The following PRELID2 variants were observed in gnomAD, a reference collection of about 807,000 sequenced individuals.
PRELID2 encodes PRELI domain containing 2.
A neutral mutation model predicts 28.4 loss-of-function variants in PRELID2; 25 were observed. That is an observed-to-expected ratio of 0.88 (90% CI 0.64 to 1.23). The LOEUF (loss-of-function observed/expected upper bound fraction) is 1.23. Among genes scored for constraint, PRELID2 ranks in the 50% most tolerant of loss-of-function variants. The pLI, the probability that PRELID2 is intolerant of heterozygous loss-of-function variation, is 0.00. For missense variants in PRELID2, 201 were observed against 214.4 expected, an observed-to-expected ratio of 0.94 and a Z score of 0.39; for synonymous variants, 76 against 71.6, an observed-to-expected ratio of 1.06 and a Z score of -0.31.
chr5:145,295,490 C>A, the PRELID2 span, among the ~76,000 whole-genome samples: 1 of 152,066 alleles, frequency 6.6e-6, no homozygotes, highest in South Asian at 2.1e-4. Flanking sequence ...AAACAAAAAA[C>A]TAAAAGAAAT....
At chr5:145,733,267 GA>G (rs1318504355) in intron 1 of PRELID2, among the ~76,000 whole-genome samples, 5 of 151,230 alleles carry the variant, frequency 3.3e-5, no homozygotes, top group Non-Finnish European at 7.4e-5. Flanking sequence ...GTCTCAAAAA[GA>G]AAAAAAATCT....
chr5:145,829,047 T>TTTG (rs759958990), intron 1 of PRELID2, among the ~76,000 whole-genome samples: 7 of 151,520 alleles, frequency 4.6e-5, no homozygotes, highest in African/African-American at 7.3e-5. Context: ...GGTTTGGGGT[T>TTTG]TTGTTGTTGT....
At chr5:145,463,890 T>C in the PRELID2 span, among the ~76,000 whole-genome samples, 31 of 152,152 alleles carry the variant, frequency 2.0e-4, no homozygotes, top group African/African-American at 7.0e-4. Context: ...AGATAAAAGT[T>C]ACCAAAGCTT....
At chr5:145,290,494 G>C in the PRELID2 span, among the ~76,000 whole-genome samples, 2 of 151,280 alleles carry the variant, frequency 1.3e-5, no homozygotes, top group Non-Finnish European at 2.9e-5. Context: ...GCAAACTATC[G>C]CAAGGACAGA....
chr5:145,522,536 C>G (rs1035958990), intron 1 of PRELID2, among the ~76,000 whole-genome samples: 4 of 152,116 alleles, frequency 2.6e-5, no homozygotes, highest in Admixed American at 1.3e-4. Context: ...TATGAATATA[C>G]TTTCTTTTTC....
At chr5:145,593,383 T>C (rs1244790780) in intron 1 of PRELID2, among the ~76,000 whole-genome samples, 2 of 152,170 alleles carry the variant, frequency 1.3e-5, no homozygotes, top group Non-Finnish European at 2.9e-5. Flanking sequence ...GATCAAGGAA[T>C]CTATGAAAGG....
the PRELID2 span, among the ~76,000 whole-genome samples, chr5:145,400,074 G>T: frequency 6.6e-6 from 1 of 151,944 alleles, no homozygotes; most frequent in African/African-American, 2.4e-5. Flanking sequence ...TTTAATACTG[G>T]GTTTCTGGAC....
At chr5:145,237,109 C>T in the PRELID2 span, among the ~76,000 whole-genome samples, 1 of 152,142 alleles carries the variant, frequency 6.6e-6, no homozygotes, top group Non-Finnish European at 1.5e-5. Context: ...ACCATAAAAA[C>T]TGCATGTCCC....
At chr5:145,421,520 T>C in the PRELID2 span, among the ~76,000 whole-genome samples, 43 of 148,492 alleles carry the variant, frequency 2.9e-4, no homozygotes, top group East Asian at 7.6e-3. Flanking sequence ...TTTATTTGCA[T>C]AGAGGTGTTT....
chr5:145,424,647 G>A, the PRELID2 span, among the ~76,000 whole-genome samples: 18 of 152,028 alleles, frequency 1.2e-4, no homozygotes, highest in East Asian at 1.9e-4. Flanking sequence ...AGATGAACCC[G>A]GTACCTCAGA....
the PRELID2 span, among the ~76,000 whole-genome samples, chr5:145,241,313 T>C: frequency 1.3e-5 from 2 of 151,922 alleles, no homozygotes; most frequent in Non-Finnish European, 2.9e-5. Flanking sequence ...ACCAGCAGAA[T>C]AGAGATCACC....
chr5:145,763,143 G>T (rs1212192410), intron 6 of PRELID2, among the ~76,000 whole-genome samples: 1 of 152,210 alleles, frequency 6.6e-6, no homozygotes, highest in Non-Finnish European at 1.5e-5. Flanking sequence ...CCTTTCCCAT[G>T]GAAATGGAGA....
chr5:145,783,637 G>A (rs1051033888), intron 5 of PRELID2, among the ~76,000 whole-genome samples: 1 of 152,098 alleles, frequency 6.6e-6, no homozygotes, highest in Non-Finnish European at 1.5e-5. Flanking sequence ...AATTTGAACT[G>A]GGAAATAAAC....
At chr5:145,307,895 G>A in the PRELID2 span, among the ~76,000 whole-genome samples, 1 of 152,144 alleles carries the variant, frequency 6.6e-6, no homozygotes, top group South Asian at 2.1e-4. Flanking sequence ...CATTTACCAG[G>A]CCACCTGGCA....
chr5:145,244,104 C>A, the PRELID2 span, among the ~76,000 whole-genome samples: 1 of 152,086 alleles, frequency 6.6e-6, no homozygotes, highest in East Asian at 1.9e-4. Context: ...CAGGCACAAA[C>A]TACCCTGCCC....
the PRELID2 span, among the ~76,000 whole-genome samples, chr5:145,415,549 C>T: frequency 0.22 from 31,961 of 147,992 alleles, 3,651 homozygotes; most frequent in South Asian, 0.32. Flanking sequence ...TTTGTCCTTG[C>T]GATAGTTTAC....
At chr5:145,485,761 G>A (rs1183904043) in intron 1 of PRELID2, among the ~76,000 whole-genome samples, 1 of 152,120 alleles carries the variant, frequency 6.6e-6, no homozygotes, top group African/African-American at 2.4e-5. Context: ...TAAGGTACAT[G>A]CTCATTCTCC....
intron 1 of PRELID2, among the ~76,000 whole-genome samples, chr5:145,515,819 C>T (rs558254327): frequency 2.6e-5 from 4 of 152,214 alleles, no homozygotes; most frequent in East Asian, 1.9e-4. Flanking sequence ...ATCCCTGGGA[C>T]GCAAGCCTGG....
the PRELID2 span, among the ~76,000 whole-genome samples, chr5:145,318,174 T>A: frequency 4.2e-4 from 64 of 152,302 alleles, no homozygotes; most frequent in Non-Finnish European, 9.4e-4. Context: ...TTTTTCAGTG[T>A]TTCTACAAAG....
Sources: gnomAD v4.1 joint callset for allele counts (sites outside exome capture counted in the v4.1 genomes callset) on GRCh38, gnomAD v4.1.1 for gene constraint, MANE v1.5 for transcripts, NCBI Gene and HGNC (gene_info 2026-07-23, HGNC 2026-07-21) for gene names.